CNTN4: variants seen among roughly 807,000 people sequenced by gnomAD.
The protein encoded by CNTN4 is contactin-4.
In CNTN4, 77 loss-of-function variants were observed where a neutral mutation model predicts 122.5. The observed-to-expected ratio is 0.63, with a 90% confidence interval of 0.52 to 0.76. The LOEUF (loss-of-function observed/expected upper bound fraction) is 0.76. Ranked by LOEUF, CNTN4 falls within the 30% of genes least tolerant of loss-of-function variation. The pLI, the probability that CNTN4 is intolerant of heterozygous loss-of-function variation, is 0.00. For synonymous variants in CNTN4, 512 were observed against 447.0 expected (o/e 1.15, Z -1.83); for missense variants, 1,256 against 1,259.1 (o/e 1.00, Z 0.04).
At chr3:2,576,728 A>G (rs2728057) in intron 4 of CNTN4, among the ~76,000 whole-genome samples, 86,086 of 151,826 alleles carry the variant, frequency 0.57, 25,222 homozygotes, top group East Asian at 0.72. Context: ...TTGTATTTCT[A>G]GTAGAGACGG....
Position 2,946,704 on chromosome 3 carries a change from C to CTTT in CNTN4, c.1358+20940_1358+20942dup, listed in dbSNP as rs55883455. Among the ~76,000 whole-genome samples the CTTT allele has an allele frequency of 6.9e-4, 82 of 119,372 alleles. 1 individual carries two copies. Among genetic ancestry groups the CTTT allele is most frequent in the Non-Finnish European group, 9.4e-4 (56 of 59,478 alleles). 78.3% of individuals were successfully genotyped at this position (119,372 alleles called of 152,430 possible). ...CAACAGACAGCTTGCTTTTTTTTTT[C>CTTT]TTTTTTTTTTTTTTTTTGAGACAGA... On this transcript the variant is annotated intron_variant, in intron 13 of 24. Transcript: ENST00000418658.
chr3:2,419,208 T>A (rs1191636509), intron 3 of CNTN4, among the ~76,000 whole-genome samples: 1 of 152,220 alleles, frequency 6.6e-6, no homozygotes, highest in Non-Finnish European at 1.5e-5. Flanking sequence ...TTTCCTGACA[T>A]GAGTTACATA....
intron 3 of CNTN4, among the ~76,000 whole-genome samples, chr3:2,435,875 A>G (rs1056365295): frequency 9.9e-5 from 15 of 152,164 alleles, no homozygotes; most frequent in South Asian, 2.1e-4. Context: ...GAGCACTACT[A>G]TGATTTCTAT....
At chr3:2,778,479 T>G (rs1036381094) in intron 6 of CNTN4, among the ~76,000 whole-genome samples, 2 of 152,038 alleles carry the variant, frequency 1.3e-5, no homozygotes, top group African/African-American at 4.8e-5. Context: ...CCACTCAAAT[T>G]TCACTACTGT....
At chr3:2,344,921 A>C (rs1411693134) in intron 3 of CNTN4, among the ~76,000 whole-genome samples, 1 of 152,210 alleles carries the variant, frequency 6.6e-6, no homozygotes, top group African/African-American at 2.4e-5. Context: ...AAAGAAAAGA[A>C]TGCCTAGAAT....
chr3:2,711,596 G>T (rs1374954384), intron 4 of CNTN4, among the ~76,000 whole-genome samples: 1 of 152,118 alleles, frequency 6.6e-6, no homozygotes, highest in East Asian at 1.9e-4. Flanking sequence ...CAAAAAGGGG[G>T]TTTCCATCAG....
At chr3:2,255,758 T>G (rs1016533240) in intron 2 of CNTN4, among the ~76,000 whole-genome samples, 1 of 152,122 alleles carries the variant, frequency 6.6e-6, no homozygotes, top group South Asian at 2.1e-4. Context: ...AAGACACTTA[T>G]GTACCAGAAT....
At position 2,653,866 on chromosome 3, in the gene CNTN4, A is replaced by C. The variant is rs143836819; in HGVS notation, c.55+82308A>C. On this transcript the variant is annotated intron_variant, in intron 4 of 24. Transcript: ENST00000418658. ...CAAGTGACCAGTTCGTCTCTACCAA[A>C]CCCAGGATGTGTTTTTGATTTATGT... Among the ~76,000 whole-genome samples the C allele has an allele frequency of 3.0e-3, 453 of 152,248 alleles. 2 individuals carry two copies. The highest frequency in any genetic ancestry group is 0.01 in the African/African-American group (430 of 41,564).
chr3:2,946,055 T>A (rs1577360940), intron 13 of CNTN4, among the ~76,000 whole-genome samples: 3 of 152,160 alleles, frequency 2.0e-5, no homozygotes, highest in African/African-American at 7.2e-5. Flanking sequence ...AATCTCTGAT[T>A]ATTAGGATTT....
chr3:2,683,485 T>A (rs868687408), intron 4 of CNTN4, among the ~76,000 whole-genome samples: 28 of 148,104 alleles, frequency 1.9e-4, no homozygotes, highest in Middle Eastern at 6.9e-3. Flanking sequence ...TGAACACATG[T>A]CCACATGTTG....
chr3:2,947,696 C>G (rs2094694047), intron 13 of CNTN4, among the ~76,000 whole-genome samples: 1 of 152,158 alleles, frequency 6.6e-6, no homozygotes, highest in South Asian at 2.1e-4. Flanking sequence ...AACCCTCTTC[C>G]CAGATTGTAT....
At chr3:2,600,604 T>C (rs1277559529) in intron 4 of CNTN4, among the ~76,000 whole-genome samples, 1 of 152,222 alleles carries the variant, frequency 6.6e-6, no homozygotes, top group African/African-American at 2.4e-5. Flanking sequence ...GTATCATTGA[T>C]GGACATTTGG....
intron 12 of CNTN4, among the ~76,000 whole-genome samples, chr3:2,923,188 A>G (rs1057403196): frequency 6.6e-6 from 1 of 152,196 alleles, no homozygotes; most frequent in Non-Finnish European, 1.5e-5. Flanking sequence ...TGGATGAAAA[A>G]TGTCCGCCTA....
At chr3:2,184,658 G>A (rs1364842571) in intron 2 of CNTN4, among the ~76,000 whole-genome samples, 1 of 152,034 alleles carries the variant, frequency 6.6e-6, no homozygotes, top group Non-Finnish European at 1.5e-5. Context: ...CTTATAAAAG[G>A]GCTTGATGGG....
At chr3:2,358,704 A>G (rs771586048) in intron 3 of CNTN4, among the ~76,000 whole-genome samples, 6 of 152,194 alleles carry the variant, frequency 3.9e-5, no homozygotes, top group Non-Finnish European at 8.8e-5. Flanking sequence ...ACTAAAGTGC[A>G]TAGTCATTTT....
At chr3:2,951,135 T>C (rs2094738446) in intron 13 of CNTN4, among the ~76,000 whole-genome samples, 1 of 152,132 alleles carries the variant, frequency 6.6e-6, no homozygotes, top group South Asian at 2.1e-4. Context: ...TTATCATTGA[T>C]AATAAATAAC....
At chr3:2,293,787 A>G (rs1014805) in intron 2 of CNTN4, among the ~76,000 whole-genome samples, 58,255 of 152,046 alleles carry the variant, frequency 0.38, 11,811 homozygotes, top group East Asian at 0.58. Context: ...AATATTCTCC[A>G]AAATAAAAGT....
At chr3:2,693,587 C>G (rs532260300) in intron 4 of CNTN4, among the ~76,000 whole-genome samples, 1 of 152,164 alleles carries the variant, frequency 6.6e-6, no homozygotes, top group South Asian at 2.1e-4. Context: ...TCTGGACTCT[C>G]AGGAAAGGGT....
At chr3:2,518,215 ATGTG>A (rs59623316) in intron 3 of CNTN4, among the ~76,000 whole-genome samples, 14 of 150,734 alleles carry the variant, frequency 9.3e-5, no homozygotes, top group South Asian at 2.1e-4. Flanking sequence ...TTAGGTTAAT[ATGTG>A]TGTGTGTGTG....
Sources: allele counts gnomAD v4.1 joint callset (sites outside exome capture counted in the v4.1 genomes callset), GRCh38; gene constraint gnomAD v4.1.1; transcripts MANE v1.5; gene names NCBI Gene and HGNC (gene_info 2026-07-23, HGNC 2026-07-21).